MGAT4C: variants seen among roughly 807,000 people sequenced by gnomAD.
MGAT4C encodes the protein alpha-1,3-mannosyl-glycoprotein 4-beta-N-acetylglucosaminyltransferase C.
In MGAT4C, 19 loss-of-function variants were observed where a neutral mutation model predicts 40.1. The ratio of observed to expected loss-of-function variants is 0.47; its 90% CI spans 0.33 to 0.70. The LOEUF (loss-of-function observed/expected upper bound fraction) is 0.70. Among genes scored for constraint, MGAT4C ranks in the 30% least tolerant of loss-of-function variants. The probability of loss-of-function intolerance (pLI) is 0.02; values close to 1 mark genes in which losing one functional copy is unlikely to be tolerated. For synonymous variants in MGAT4C, 181 were observed against 187.1 expected (o/e 0.97, Z 0.27); for missense variants, 491 against 563.2 (o/e 0.87, Z 1.30).
At chr12:86,064,386 A>C (rs1041872830) in intron 1 of MGAT4C, among the ~76,000 whole-genome samples, 3 of 152,224 alleles carry the variant, frequency 2.0e-5, no homozygotes, top group Non-Finnish European at 2.9e-5. Flanking sequence ...TCTCAAAAAA[A>C]AGAAATAAAA....
rs960199545 is a variant in MGAT4C, at chr12:86,390,539, C to T, written c.-120+44618G>A. Among the ~76,000 whole-genome samples the T allele has an allele frequency of 2.0e-5, 3 of 151,988 alleles. No individual in the cohort carries two copies. In the East Asian group the frequency reaches 5.8e-4, roughly 29 times the overall value. ...AAATAATATAATCCTGTGTACTTATCAATTCACTTTGCAAAAGACAATACA... is the reference window on the plus strand; with the variant it reads ...AAATAATATAATCCTGTGTACTTATTAATTCACTTTGCAAAAGACAATACA... On this transcript the variant is annotated intron_variant, in intron 3 of 7. Coordinates refer to the MGAT4C transcript ENST00000548651.
At chr12:86,586,778 G>C (rs548169657) in intron 2 of MGAT4C, among the ~76,000 whole-genome samples, 1 of 151,608 alleles carries the variant, frequency 6.6e-6, no homozygotes, top group Non-Finnish European at 1.5e-5. Context: ...TATATCCTTC[G>C]CCCACTTTTT....
intron 3 of MGAT4C, among the ~76,000 whole-genome samples, chr12:86,348,715 A>T (rs1398175904): frequency 6.6e-6 from 1 of 151,906 alleles, no homozygotes; most frequent in Non-Finnish European, 1.5e-5. Context: ...TAGTTGTTTA[A>T]TTTTTTTAAA....
In MGAT4C at chr12:86,329,283, C is replaced by T. The variant is rs144003076; in HGVS notation, c.-57+4782G>A. Reference sequence around the variant, plus strand: ...ATTTGGCCGGGCGTGGTGGCTCACGCCTGTAATCCCAGCACTTTGGGATTT... The same window carrying T: ...ATTTGGCCGGGCGTGGTGGCTCACGTCTGTAATCCCAGCACTTTGGGATTT... On this transcript the variant is annotated intron_variant, in intron 4 of 7. Coordinates refer to the MGAT4C transcript ENST00000548651. Among the ~76,000 whole-genome samples, 17 of 152,178 alleles carry T rather than the reference C, an allele frequency of 1.1e-4. 1 individual carries two copies. In the East Asian group the frequency reaches 3.1e-3, roughly 28 times the overall value.
chr12:86,794,311 A>G (rs181425317), intron 1 of MGAT4C, among the ~76,000 whole-genome samples: 4 of 151,888 alleles, frequency 2.6e-5, no homozygotes, highest in Non-Finnish European at 4.4e-5. Context: ...ACTAGAAATT[A>G]GTTTATATAT....
intron 3 of MGAT4C, among the ~76,000 whole-genome samples, chr12:86,397,884 G>T (rs1271369441): frequency 2.0e-5 from 3 of 152,148 alleles, no homozygotes; most frequent in Non-Finnish European, 4.4e-5. Flanking sequence ...GATGGCATGA[G>T]CCCAGGAGTT....
chr12:86,722,330 T>C lies in MGAT4C; in HGVS notation c.-229+4879A>G, dbSNP rs796074707. 5.9e-5 allele frequency among the ~76,000 whole-genome samples: 9 copies of C among 152,290 alleles called. 1 individual carries two copies. The highest frequency in any genetic ancestry group is 2.2e-4 in the African/African-American group (9 of 41,554). On this transcript the variant is annotated intron_variant, in intron 2 of 7. Transcript: ENST00000548651. ...AGGACAGAGTAAAACTGAGCCAGTG[T>C]CCTTACAGCAGTTAAACATCTGAAG...
intron 1 of MGAT4C, among the ~76,000 whole-genome samples, chr12:86,137,167 A>G (rs1882088805): frequency 6.6e-6 from 1 of 152,068 alleles, no homozygotes; most frequent in Non-Finnish European, 1.5e-5. Context: ...TCAGCATCCC[A>G]TTCATATTCC....
chr12:86,613,100 C>T (rs1401854913), intron 2 of MGAT4C, among the ~76,000 whole-genome samples: 2 of 151,990 alleles, frequency 1.3e-5, no homozygotes, highest in South Asian at 2.1e-4. Context: ...ATGATTTAAA[C>T]TTCTACAATT....
chr12:86,624,041 C>A (rs1332659570), intron 2 of MGAT4C, among the ~76,000 whole-genome samples: 2 of 152,136 alleles, frequency 1.3e-5, no homozygotes, highest in Non-Finnish European at 2.9e-5. Flanking sequence ...CCATTTATGA[C>A]TTCACTCAGA....
intron 1 of MGAT4C, among the ~76,000 whole-genome samples, chr12:86,811,091 T>C (rs934211705): frequency 1.4e-5 from 2 of 147,916 alleles, no homozygotes; most frequent in Admixed American, 1.4e-4. Context: ...TGTTTAGAGA[T>C]TTTCCTGTGG....
At chr12:86,328,588 G>A (rs895642709) in intron 4 of MGAT4C, among the ~76,000 whole-genome samples, 5 of 151,460 alleles carry the variant, frequency 3.3e-5, no homozygotes, top group Admixed American at 6.6e-5. Context: ...ACATCAAGTG[G>A]GAATAATTGT....
intron 2 of MGAT4C, among the ~76,000 whole-genome samples, chr12:86,566,572 A>G (rs11103992): frequency 4.0e-5 from 5 of 126,104 alleles, no homozygotes; most frequent in Non-Finnish European, 8.3e-5. Context: ...ATATATATAT[A>G]TATGTATATG....
At chr12:86,659,667 A>T (rs1200040352) in intron 2 of MGAT4C, among the ~76,000 whole-genome samples, 5 of 152,028 alleles carry the variant, frequency 3.3e-5, no homozygotes, top group Non-Finnish European at 7.4e-5. Flanking sequence ...AGATAGGAAG[A>T]TCAGAAAAGA....
intron 1 of MGAT4C, among the ~76,000 whole-genome samples, chr12:86,199,386 A>AG (rs34796556): frequency 0.76 from 115,384 of 151,846 alleles, 44,303 homozygotes; most frequent in Middle Eastern, 0.83. Flanking sequence ...TAGGGGAAAA[A>AG]GTAGAATTTT....
At chr12:86,714,329 G>T (rs1036342025) in intron 2 of MGAT4C, among the ~76,000 whole-genome samples, 2 of 152,066 alleles carry the variant, frequency 1.3e-5, no homozygotes, top group African/African-American at 4.8e-5. Context: ...CTCAGTATTT[G>T]ACATGTGGTT....
chr12:86,834,612 C>CACACACACACACACA, intron 1 of MGAT4C, among the ~76,000 whole-genome samples: 1 of 148,290 alleles, frequency 6.7e-6, no homozygotes, highest in Non-Finnish European at 1.5e-5. Context: ...CCCCCAACCA[C>CACACACACACACACA]CACACACACA....
chr12:86,077,878 C>T (rs371073389), intron 1 of MGAT4C, among the ~76,000 whole-genome samples: 1 of 152,182 alleles, frequency 6.6e-6, no homozygotes, highest in African/African-American at 2.4e-5. Flanking sequence ...CCCCAGCCAA[C>T]ACTGTATCTT....
chr12:86,505,823 C>G (rs902800508), intron 2 of MGAT4C, among the ~76,000 whole-genome samples: 2 of 152,100 alleles, frequency 1.3e-5, no homozygotes, highest in East Asian at 1.9e-4. Flanking sequence ...TCTCCAACAC[C>G]TTTACAGACT....
Sources: allele counts gnomAD v4.1 joint callset (sites outside exome capture counted in the v4.1 genomes callset), GRCh38; gene constraint gnomAD v4.1.1; transcripts MANE v1.5; gene names NCBI Gene and HGNC (gene_info 2026-07-23, HGNC 2026-07-21).